UNC79: variants seen among roughly 807,000 people sequenced by gnomAD.
UNC79 encodes protein unc-79 homolog.
Under a neutral mutation model 283.1 loss-of-function variants are expected in UNC79, and 37 were observed. That is an observed-to-expected ratio of 0.13 (90% confidence interval 0.10 to 0.17). The LOEUF (loss-of-function observed/expected upper bound fraction) is 0.17. Among genes scored for constraint, UNC79 ranks in the 10% least tolerant of loss-of-function variants. UNC79 has a pLI of 1.00. For synonymous variants in UNC79, 1,107 were observed against 1,200.2 expected (o/e 0.92, Z 1.61); for missense variants, 2,272 against 3,211.1 (o/e 0.71, Z 7.07).
In UNC79 at chr14:93,478,875, T is replaced by C. The variant is rs968258511; in HGVS notation, c.619+1147T>C. Among the ~76,000 whole-genome samples the C allele has an allele frequency of 1.1e-4, 16 of 152,210 alleles. 1 individual carries two copies. The highest frequency in any genetic ancestry group is 3.4e-4 in the African/African-American group (14 of 41,454). On this transcript the variant is annotated intron_variant, in intron 4 of 48. Coordinates refer to ENST00000555664, the Ensembl canonical transcript of UNC79. ...AACCATATATATCTTTTGAGCTACA[T>C]TTGCTTATTTTTACAATCAAGTTTA...
intron 30 of UNC79, among the ~76,000 whole-genome samples, chr14:93,627,631 C>T (rs1205722137): frequency 6.6e-6 from 1 of 152,170 alleles, no homozygotes; most frequent in Non-Finnish European, 1.5e-5. Context: ...TGCAAACATT[C>T]TGTCAGCCAA....
intron 3 of UNC79, among the ~76,000 whole-genome samples, chr14:93,476,112 T>G (rs528321458): frequency 1.6e-4 from 24 of 152,030 alleles, no homozygotes; most frequent in Non-Finnish European, 2.9e-4. Flanking sequence ...CACTGAGAGG[T>G]GGGGCCTGAG....
In UNC79 at chr14:93,688,275, G is replaced by A. The variant is rs1009556807; in HGVS notation, c.6910-390G>A. On this transcript the variant is annotated intron_variant, in intron 43 of 48. Transcript: ENST00000555664. This position sits in a 1 kb window ranked among gnomAD's most constrained non-coding sequence, Gnocchi z 4.0. Reference sequence around the variant, plus strand: ...AATTGCTATGAAAAAGAGGCAGAAGGCAGCACGGACCTGGCCGGGGAGGTC... The same window carrying A: ...AATTGCTATGAAAAAGAGGCAGAAGACAGCACGGACCTGGCCGGGGAGGTC... Among the ~76,000 whole-genome samples, 17 of 152,144 alleles carry A rather than the reference G, an allele frequency of 1.1e-4. No individual in the cohort carries two copies. The highest frequency in any genetic ancestry group is 3.9e-4 in the African/African-American group (16 of 41,442).
intron 7 of UNC79, among the ~76,000 whole-genome samples, chr14:93,517,921 G>C (rs942074159): frequency 6.8e-6 from 1 of 147,984 alleles, no homozygotes; most frequent in Non-Finnish European, 1.5e-5. Context: ...GTGTGTGTCT[G>C]TGTGTGTGTG....
At chr14:93,576,550 A>G (rs916329523) in intron 17 of UNC79, among the ~76,000 whole-genome samples, 1 of 152,210 alleles carries the variant, frequency 6.6e-6, no homozygotes, top group East Asian at 1.9e-4. Flanking sequence ...TTTAATGGAG[A>G]TTCTTCCTAT....
rs562761275 is a variant in UNC79, at chr14:93,472,241, A to G, written c.144-1848A>G. On this transcript the variant is annotated intron_variant, in intron 2 of 48. Transcript: ENST00000555664. ...GGGATTAGAATCCTACAGGATTAAA[A>G]CAGATTTTTGGTGACTGGGTTTATC... Among the ~76,000 whole-genome samples, 4 of 152,296 alleles carry G rather than the reference A, an allele frequency of 2.6e-5. No individual in the cohort carries two copies. In the East Asian group the frequency reaches 7.7e-4, roughly 29 times the overall value.
chr14:93,645,714 C>T (rs1010620157), intron 34 of UNC79, among the ~76,000 whole-genome samples: 5 of 152,112 alleles, frequency 3.3e-5, no homozygotes, highest in African/African-American at 1.2e-4. Flanking sequence ...TCTGTAGGTA[C>T]AGCCTTTAAA....
At chr14:93,629,826 C>T (rs1208746157) in intron 30 of UNC79, among the ~76,000 whole-genome samples, 1 of 152,204 alleles carries the variant, frequency 6.6e-6, no homozygotes, top group Non-Finnish European at 1.5e-5. Flanking sequence ...TTAGGGTTGA[C>T]ATCCCTGAAT....
chr14:93,538,094 A>G, exon 12 of UNC79: 1 of 1,614,220 alleles, frequency 6.2e-7, no homozygotes, highest in Non-Finnish European at 8.5e-7. Flanking sequence ...GTGCCACTCA[A>G]ATCATCACAG....
At chr14:93,360,239 A>G (rs569222938) in intron 1 of UNC79, among the ~76,000 whole-genome samples, 1 of 152,292 alleles carries the variant, frequency 6.6e-6, no homozygotes, top group Non-Finnish European at 1.5e-5. Flanking sequence ...GGCTGAATAG[A>G]AACCATTAGA....
At chr14:93,387,578 TTTATTTCA>T (rs2054804989) in intron 1 of UNC79, among the ~76,000 whole-genome samples, 1 of 152,218 alleles carries the variant, frequency 6.6e-6, no homozygotes, top group Admixed American at 6.5e-5. Context: ...CATTTGTAGT[TTTATTTCA>T]TTGTGGTCAG....
intron 1 of UNC79, among the ~76,000 whole-genome samples, chr14:93,400,773 C>T (rs2140027467): frequency 6.6e-6 from 1 of 152,126 alleles, no homozygotes; most frequent in East Asian, 1.9e-4. Flanking sequence ...AGGAAACCAT[C>T]ATGGAAGGGA....
At chr14:93,419,707 A>C in intron 1 of UNC79, among the ~76,000 whole-genome samples, 1 of 151,746 alleles carries the variant, frequency 6.6e-6, no homozygotes, top group Non-Finnish European at 1.5e-5. Context: ...TGTAGGCCTC[A>C]TGGTAACCCT....
intron 1 of UNC79, among the ~76,000 whole-genome samples, chr14:93,410,286 G>A (rs1029775052): frequency 6.6e-6 from 1 of 152,206 alleles, no homozygotes; most frequent in Non-Finnish European, 1.5e-5. Context: ...AGCCAGAGGG[G>A]AATCACCTAT....
chr14:93,657,331 GATGGGATGAGGT>G (rs1171995263), intron 38 of UNC79, among the ~76,000 whole-genome samples: 3 of 151,058 alleles, frequency 2.0e-5, no homozygotes, highest in African/African-American at 7.3e-5. Context: ...TAAGAGAAGG[GATGGGATGAGGT>G]ATGGCAAATT....
chr14:93,451,667 A>G (rs2056647241), intron 1 of UNC79, among the ~76,000 whole-genome samples: 2 of 152,242 alleles, frequency 1.3e-5, no homozygotes, highest in East Asian at 1.9e-4. Context: ...TTGCTCTTAA[A>G]CAGTTTTCAG....
intron 7 of UNC79, among the ~76,000 whole-genome samples, chr14:93,500,797 T>G (rs145844565): frequency 6.6e-6 from 1 of 152,362 alleles, no homozygotes; most frequent in African/African-American, 2.4e-5. Flanking sequence ...CATCACTTTT[T>G]TCAGTTCAGT....
intron 2 of UNC79, among the ~76,000 whole-genome samples, chr14:93,470,974 G>A (rs955138936): frequency 6.6e-6 from 1 of 152,048 alleles, no homozygotes; most frequent in African/African-American, 2.4e-5. Context: ...CATTCTTTTG[G>A]AATTTCTTCC....
chr14:93,601,262 TC>T (rs1237756191), intron 25 of UNC79, among the ~76,000 whole-genome samples: 4 of 142,006 alleles, frequency 2.8e-5, no homozygotes. Context: ...CTTCCACCCT[TC>T]CCCCCAAAGT....
Sources: allele counts gnomAD v4.1 joint callset (sites outside exome capture counted in the v4.1 genomes callset), GRCh38; gene constraint gnomAD v4.1.1; non-coding constraint Gnocchi (gnomAD v3.1); transcripts MANE v1.5; gene names NCBI Gene and HGNC (gene_info 2026-07-23, HGNC 2026-07-21).